The following MMRN1 variants were observed in gnomAD, a reference collection of about 807,000 sequenced individuals.
MMRN1 encodes the protein multimerin 1.
In MMRN1, 94 loss-of-function variants were observed where a neutral mutation model predicts 100.7. The ratio of observed to expected loss-of-function variants is 0.93; its 90% CI spans 0.79 to 1.11. MMRN1 has a LOEUF of 1.11. Among genes scored for constraint, MMRN1 ranks in the 50% least tolerant of loss-of-function variants. The pLI, the probability that MMRN1 is intolerant of heterozygous loss-of-function variation, is 0.00. For synonymous variants in MMRN1, 575 were observed against 505.0 expected (o/e 1.14, Z -1.86); for missense variants, 1,606 against 1,439.1 (o/e 1.12, Z -1.88).
rs1205714338 is a variant in MMRN1, at chr4:89,934,934, G to A, written c.1254G>A (p.Glu418=). ...TCAAGACTGTATCAAGTCTATCAGA[G>A]GACCTCGAAAGCACCAGGCAAATAA... ...QLFKTVSSLS[E]DLESTRQIIQ... Residue 418 remains glutamate (E), a synonymous_variant, in exon 6 of 8, where the codon GAG becomes GAA. Transcript: ENST00000264790. 1 of 1,613,696 alleles carries A rather than the reference G, an allele frequency of 6.2e-7. No homozygotes were observed.
intron 4 of MMRN1, among the ~76,000 whole-genome samples, chr4:89,927,261 A>G (rs115922190): frequency 0.022 from 3,396 of 152,190 alleles, 89 homozygotes; most frequent in Middle Eastern, 0.061. Flanking sequence ...TATTCTTCCA[A>G]TTCATGAACA....
chr4:89,899,126 G>A (rs191474000), intron 1 of MMRN1, among the ~76,000 whole-genome samples: 1 of 151,714 alleles, frequency 6.6e-6, no homozygotes, highest in East Asian at 1.9e-4. Flanking sequence ...TTAGTAAAAG[G>A]CGTATTTATG....
intron 6 of MMRN1, among the ~76,000 whole-genome samples, chr4:89,940,831 A>G (rs1240525137): frequency 6.6e-6 from 1 of 152,182 alleles, no homozygotes; most frequent in Non-Finnish European, 1.5e-5. Flanking sequence ...TATTTGATAT[A>G]TAATTATTTC....
intron 6 of MMRN1, among the ~76,000 whole-genome samples, chr4:89,951,213 T>C (rs114276116): frequency 6.4e-4 from 97 of 152,316 alleles, no homozygotes; most frequent in African/African-American, 2.3e-3. Context: ...TAATATATAT[T>C]CAATACCACC....
intron 3 of MMRN1, among the ~76,000 whole-genome samples, chr4:89,919,598 T>G (rs1052797302): frequency 6.6e-6 from 1 of 151,856 alleles, no homozygotes; most frequent in Non-Finnish European, 1.5e-5. Flanking sequence ...TTATTTGGTA[T>G]TATTTAGATG....
At chr4:89,946,923 G>C (rs1458001896) in intron 6 of MMRN1, among the ~76,000 whole-genome samples, 1 of 152,068 alleles carries the variant, frequency 6.6e-6, no homozygotes, top group African/African-American at 2.4e-5. Context: ...TAAAAAAAAT[G>C]GACAGGAAGG....
chr4:89,928,135 T>A (rs1224936515), intron 5 of MMRN1, among the ~76,000 whole-genome samples, 167 bp downstream of exon 5: 1 of 152,118 alleles, frequency 6.6e-6, no homozygotes, highest in Admixed American at 6.6e-5. Flanking sequence ...CTGAAATAAT[T>A]TGAAATATCT....
intron 5 of MMRN1, among the ~76,000 whole-genome samples, chr4:89,928,620 G>C (rs1361201225): frequency 6.6e-6 from 1 of 152,078 alleles, no homozygotes; most frequent in African/African-American, 2.4e-5. Context: ...TGCAGTTGTA[G>C]GACTGAGGTC....
intron 1 of MMRN1, among the ~76,000 whole-genome samples, chr4:89,883,772 T>C (rs1720872086): frequency 6.6e-6 from 1 of 152,148 alleles, no homozygotes; most frequent in Admixed American, 6.6e-5. Context: ...CAACTATTTT[T>C]AAAAGGTTCA....
chr4:89,885,521 T>C (rs1720916666), intron 1 of MMRN1, among the ~76,000 whole-genome samples: 1 of 152,148 alleles, frequency 6.6e-6, no homozygotes, highest in South Asian at 2.1e-4. Flanking sequence ...AAATGTTTAC[T>C]AGAATTTACT....
At position 89,934,849 on chromosome 4, in the gene MMRN1, T is replaced by C. The variant is rs764309603; in HGVS notation, c.1169T>C (p.Ile390Thr). The change falls in exon 6 of 8, where the codon ATA (isoleucine) becomes ACA (threonine). Residue 390 changes from isoleucine to threonine, a missense_variant. Ile to Thr is a moderately conservative substitution (Grantham distance 89). Transcript: ENST00000264790. The part of the protein sequence containing the change: ...SKSINVLIRD[I>T]VREQFKIFQN... ...AGCATTAATGTACTGATAAGAGACA[T>C]AGTAAGAGAACAATTTAAAATTTTT... The C allele has an allele frequency of 3.2e-6, 5 of 1,569,010 alleles. No individual in the cohort carries two copies. Among genetic ancestry groups the C allele is most frequent in the Admixed American group, 2.0e-5 (1 of 51,280 alleles).
chr4:89,900,907 T>A lies in MMRN1; in HGVS notation c.623+5313T>A, dbSNP rs184585700. On this transcript the variant is annotated intron_variant, in intron 1 of 7. Coordinates refer to ENST00000264790, the MANE Select transcript of MMRN1 (RefSeq NM_007351.3). ...TGGATGCCAACAATACAGTCTTAAA[T>A]GGGGTGACCAGAGAAGTTAGGAAGG... Among the ~76,000 whole-genome samples, 596 of 152,120 alleles carry A rather than the reference T, an allele frequency of 3.9e-3. 8 individuals are homozygous for A. Among genetic ancestry groups the A allele is most frequent in the African/African-American group, 0.014 (574 of 41,538 alleles).
chr4:89,902,537 T>C (rs962108935), intron 1 of MMRN1, among the ~76,000 whole-genome samples: 1 of 152,022 alleles, frequency 6.6e-6, no homozygotes, highest in Non-Finnish European at 1.5e-5. Context: ...CATCCTGTGA[T>C]GGCCATACAT....
Position 89,924,660 on chromosome 4 carries a change from T to G in MMRN1, c.955+1388T>G, listed in dbSNP as rs537601765. The stretch of plus-strand genomic sequence containing the variant: ...AAGATCGAAAACATCCTGGCCTATA[T>G]GGTGAAACCCCGTCTCTACTAAAAT... On this transcript the variant is annotated intron_variant, in intron 4 of 7. Coordinates refer to ENST00000264790, the MANE Select transcript of MMRN1 (RefSeq NM_007351.3). Among the ~76,000 whole-genome samples, 3 of 151,794 alleles carry G rather than the reference T, an allele frequency of 2.0e-5. No homozygotes were observed. The South Asian group carries it at 6.2e-4, about 32-fold the overall frequency.
At chr4:89,885,167 T>A (rs2110569700) in intron 1 of MMRN1, among the ~76,000 whole-genome samples, 1 of 147,226 alleles carries the variant, frequency 6.8e-6, no homozygotes, top group Admixed American at 6.8e-5. Flanking sequence ...TTTTCCTTTC[T>A]CTCTTTCTCT....
rs577635169 is a variant in MMRN1, at chr4:89,938,186, T to C, written c.3118+1388T>C. 7.3e-4 allele frequency among the ~76,000 whole-genome samples: 111 copies of C among 151,954 alleles called. 1 individual carries two copies. The highest frequency in any genetic ancestry group is 2.5e-3 in the African/African-American group (103 of 41,530). ...AATAATAGAGTTGAATTATCTCTACTATTTAAATTAGTATATTTATTTATG... is the reference window on the plus strand; with the variant it reads ...AATAATAGAGTTGAATTATCTCTACCATTTAAATTAGTATATTTATTTATG... On this transcript the variant is annotated intron_variant, in intron 6 of 7. Coordinates refer to ENST00000264790, the MANE Select transcript of MMRN1 (RefSeq NM_007351.3).
chr4:89,909,092 G>A (rs1578474790), intron 1 of MMRN1, among the ~76,000 whole-genome samples, 184 bp from the exon 2 acceptor site: 1 of 151,450 alleles, frequency 6.6e-6, no homozygotes, highest in East Asian at 1.9e-4. Context: ...TAGTCCCTGA[G>A]TACAGCAATA....
At chr4:89,901,968 A>C (rs1003272359) in intron 1 of MMRN1, 1 of 152,004 alleles carries the variant, frequency 6.6e-6, no homozygotes, top group Admixed American at 6.6e-5. Context: ...TAAGCATAGA[A>C]TTCTGCATCA....
At chr4:89,915,746 A>G (rs1222959348) in intron 3 of MMRN1, among the ~76,000 whole-genome samples, 1 of 151,668 alleles carries the variant, frequency 6.6e-6, no homozygotes, top group Non-Finnish European at 1.5e-5. Context: ...AAAAGCAAAA[A>G]GGAATCCAAC....
Sources: allele counts gnomAD v4.1 joint callset (sites outside exome capture counted in the v4.1 genomes callset), GRCh38; gene constraint gnomAD v4.1.1; transcripts MANE v1.5; gene names NCBI Gene and HGNC (gene_info 2026-07-23, HGNC 2026-07-21).